Variants in UHRF2 observed in about 807,000 individuals in gnomAD.
UHRF2 encodes ubiquitin like with PHD and ring finger domains 2, also known as E3 ubiquitin-protein ligase UHRF2.
In UHRF2, 23 loss-of-function variants were observed where a neutral mutation model predicts 96.8. The ratio of observed to expected loss-of-function variants is 0.24; its 90% CI spans 0.17 to 0.34. The LOEUF (loss-of-function observed/expected upper bound fraction) is 0.34, where lower values mean the gene tolerates loss of function less well. Ranked by LOEUF, UHRF2 falls within the 10% of genes least tolerant of loss-of-function variation. UHRF2 has a pLI of 1.00. For missense variants in UHRF2, 685 were observed against 981.5 expected (o/e 0.70, Z 4.04); for synonymous variants, 385 against 332.6 (o/e 1.16, Z -1.72).
intron 10 of UHRF2, chr9:6,496,434 T>G (rs1210578500): frequency 6.6e-6 from 1 of 152,218 alleles, no homozygotes; most frequent in Non-Finnish European, 1.5e-5. Context: ...TAACATCTAA[T>G]AAGCTCATTG....
intron 4 of UHRF2, among the ~76,000 whole-genome samples, chr9:6,474,070 A>C: frequency 6.6e-6 from 1 of 152,216 alleles, no homozygotes; most frequent in East Asian, 1.9e-4. Flanking sequence ...GAAAAAAATT[A>C]AGGTAAATAT....
chr9:6,448,047 G>A (rs1050610265), intron 3 of UHRF2, among the ~76,000 whole-genome samples: 1 of 152,188 alleles, frequency 6.6e-6, no homozygotes, highest in Non-Finnish European at 1.5e-5. Flanking sequence ...AGGAGGTAAT[G>A]GAAGGAGATG....
chr9:6,465,549 C>T (rs971609225), intron 4 of UHRF2, among the ~76,000 whole-genome samples: 1 of 152,140 alleles, frequency 6.6e-6, no homozygotes, highest in African/African-American at 2.4e-5. Context: ...TTATCTATTG[C>T]ATCTAAATTT....
intron 4 of UHRF2, among the ~76,000 whole-genome samples, chr9:6,469,733 CGTGTATATATATACACGT>C (rs2130874928): frequency 6.8e-6 from 1 of 146,530 alleles, no homozygotes; most frequent in African/African-American, 2.5e-5. Context: ...TGCATATATA[CGTGTATATATATACACGT>C]ATATATACAC....
At chr9:6,442,671 G>A (rs960848893) in intron 3 of UHRF2, among the ~76,000 whole-genome samples, 1 of 150,624 alleles carries the variant, frequency 6.6e-6, no homozygotes, top group Non-Finnish European at 1.5e-5. Context: ...TTTTTTGGGG[G>A]GGTAGAGATG....
intron 4 of UHRF2, among the ~76,000 whole-genome samples, chr9:6,467,653 A>T (rs1471614475): frequency 1.9e-5 from 2 of 106,408 alleles, no homozygotes; most frequent in Non-Finnish European, 1.8e-5. Flanking sequence ...AATGTATCTT[A>T]AATTTGCTGT....
chr9:6,439,971 A>T (rs1411392076), intron 3 of UHRF2, among the ~76,000 whole-genome samples: 1 of 152,072 alleles, frequency 6.6e-6, no homozygotes, highest in Non-Finnish European at 1.5e-5. Flanking sequence ...AAAACATCAA[A>T]TTTTCTTGTT....
chr9:6,494,731 AT>A (rs1332890157), intron 10 of UHRF2: 1 of 152,162 alleles, frequency 6.6e-6, no homozygotes, highest in Non-Finnish European at 1.5e-5. Flanking sequence ...TATTTTGTCG[AT>A]TGAGTAAAAG....
intron 2 of UHRF2, among the ~76,000 whole-genome samples, chr9:6,429,665 C>T (rs569123100): frequency 2.3e-4 from 35 of 152,240 alleles, no homozygotes; most frequent in African/African-American, 8.4e-4. Context: ...TAACATTGAA[C>T]GTATATACTT....
At position 6,460,687 on chromosome 9, in the gene UHRF2, T is replaced by C. The variant is rs775887819; in HGVS notation, c.759T>C (p.Asn253=). The part of the protein sequence containing the change: ...NVGDVVMVNY[N]VESPGQRGFW... ...GTGATGTGGTAATGGTTAATTATAA[T>C]GTAGAAAGTCCTGGACAAAGAGGAT... The change falls in exon 4 of 16, where the codon AAT becomes AAC. Residue 253 remains asparagine (N), a synonymous_variant. Coordinates refer to ENST00000276893, the MANE Select transcript of UHRF2 (RefSeq NM_152896.3). The C allele has an allele frequency of 3.1e-6, 5 of 1,613,948 alleles. 1 individual carries two copies. The South Asian group carries it at 5.5e-5, about 18-fold the overall frequency.
At chr9:6,465,513 G>A (rs1344820097) in intron 4 of UHRF2, among the ~76,000 whole-genome samples, 2 of 151,978 alleles carry the variant, frequency 1.3e-5, no homozygotes, top group African/African-American at 2.4e-5. Flanking sequence ...TCTATTTCTT[G>A]AACTAAAATT....
chr9:6,425,539 C>A (rs1358525608), intron 2 of UHRF2, among the ~76,000 whole-genome samples: 1 of 151,470 alleles, frequency 6.6e-6, no homozygotes, highest in Non-Finnish European at 1.5e-5. Context: ...TGGATCACTA[C>A]AGGTCAGGAG....
At chr9:6,486,075 T>C (rs114002498) in intron 8 of UHRF2, among the ~76,000 whole-genome samples, 2,221 of 152,258 alleles carry the variant, frequency 0.015, 50 homozygotes, top group African/African-American at 0.05. Flanking sequence ...ATAGGAGCCA[T>C]ATTTAGAGAG....
intron 9 of UHRF2, among the ~76,000 whole-genome samples, chr9:6,488,540 C>CTTTTTTTTT (rs58280407): frequency 3.0e-4 from 25 of 83,816 alleles, no homozygotes; most frequent in African/African-American, 7.2e-4. Flanking sequence ...TTTTTCTTTT[C>CTTTTTTTTT]TTTTTTTTTT....
intron 2 of UHRF2, among the ~76,000 whole-genome samples, chr9:6,427,830 C>T (rs1245574190): frequency 1.3e-5 from 2 of 152,104 alleles, no homozygotes; most frequent in African/African-American, 4.8e-5. Context: ...TATGGAGAGC[C>T]TATGAAAGAT....
At chr9:6,461,023 CTGAG>C (rs1563774779) in intron 4 of UHRF2, among the ~76,000 whole-genome samples, 1 of 152,124 alleles carries the variant, frequency 6.6e-6, no homozygotes, top group African/African-American at 2.4e-5. Context: ...TTGGAAATAA[CTGAG>C]TGTTTTATTA....
rs41313446 is a variant in UHRF2 at position 6,414,479 on chromosome 9, C to A, written c.153+836C>A. ...ATACTTGAAGGCTGTCTGTGGGCATCTCTGGTATTTTTATGGTCTGGCCAG... is the reference window on the plus strand; with the variant it reads ...ATACTTGAAGGCTGTCTGTGGGCATATCTGGTATTTTTATGGTCTGGCCAG... On this transcript the variant is annotated intron_variant, in intron 1 of 15. Coordinates refer to ENST00000276893, the MANE Select transcript of UHRF2 (RefSeq NM_152896.3). Among the ~76,000 whole-genome samples, 1,375 of 152,310 alleles carry A rather than the reference C, an allele frequency of 9.0e-3. 14 individuals carry two copies. The highest frequency in any genetic ancestry group is 0.015 in the Non-Finnish European group (1,041 of 68,020).
intron 6 of UHRF2, among the ~76,000 whole-genome samples, chr9:6,480,555 A>C (rs1236640373): frequency 1.3e-5 from 2 of 152,160 alleles, no homozygotes; most frequent in Non-Finnish European, 2.9e-5. Flanking sequence ...TTAACCTTAA[A>C]TCTTTTCTGC....
chr9:6,428,381 C>A (rs1349688990), intron 2 of UHRF2, among the ~76,000 whole-genome samples: 1 of 152,048 alleles, frequency 6.6e-6, no homozygotes, highest in Non-Finnish European at 1.5e-5. Context: ...GCTACCCAGA[C>A]TTCTATGGTA....
Sources: allele counts gnomAD v4.1 joint callset (sites outside exome capture counted in the v4.1 genomes callset), GRCh38; gene constraint gnomAD v4.1.1; transcripts MANE v1.5; gene names NCBI Gene and HGNC (gene_info 2026-07-23, HGNC 2026-07-21).